The following PDGFRL variants were observed in gnomAD, a reference collection of about 807,000 sequenced individuals.
PDGFRL encodes platelet derived growth factor receptor like, also known as platelet-derived growth factor receptor-like protein.
Under a neutral mutation model 37.2 loss-of-function variants are expected in PDGFRL, and 46 were observed. The ratio of observed to expected loss-of-function variants is 1.24; its 90% CI spans 0.98 to 1.58. PDGFRL has a LOEUF of 1.58. PDGFRL is among the 40% of genes most tolerant of loss of function. The pLI is 0.00. For synonymous variants in PDGFRL, 251 were observed against 184.3 expected, an observed-to-expected ratio of 1.36 and a Z score of -2.93; for missense variants, 692 against 467.6, an observed-to-expected ratio of 1.48 and a Z score of -4.43.
intron 5 of PDGFRL, among the ~76,000 whole-genome samples, chr8:17,636,993 A>G (rs532966577): frequency 1.3e-5 from 2 of 152,306 alleles, no homozygotes; most frequent in South Asian, 4.1e-4. Flanking sequence ...AAATTCATCT[A>G]TCAGTTCTAG....
chr8:17,588,393 T>A (rs566449456), intron 1 of PDGFRL, among the ~76,000 whole-genome samples: 68 of 152,268 alleles, frequency 4.5e-4, no homozygotes, highest in Admixed American at 9.2e-4. Flanking sequence ...GTTCAAAATC[T>A]TGGCTGGGCA....
At chr8:17,616,344 A>G (rs1298314985) in intron 2 of PDGFRL, among the ~76,000 whole-genome samples, 4 of 151,992 alleles carry the variant, frequency 2.6e-5, no homozygotes, top group Non-Finnish European at 4.4e-5. Context: ...ACAGGCATGC[A>G]CCACCGCGCC....
At chr8:17,611,360 C>T (rs1457423863) in intron 2 of PDGFRL, among the ~76,000 whole-genome samples, 1 of 152,242 alleles carries the variant, frequency 6.6e-6, no homozygotes, top group Non-Finnish European at 1.5e-5. Flanking sequence ...TGTACACTGT[C>T]ACCTTTAACC....
chr8:17,577,230 CTCCGAGG>C lies in PDGFRL; in HGVS notation c.-14_-8del, dbSNP rs1563499661. 8 of 1,609,946 alleles carry C rather than the reference CTCCGAGG, an allele frequency of 5.0e-6. No homozygotes were observed. The highest frequency in any genetic ancestry group is 6.8e-6 in the Non-Finnish European group (8 of 1,178,398). ...CCCGCGCAGCCGCCGCGCTCCTGCG[CTCCGAGG>C]TCCGAGGTTCCCGAGATGAAGGTCT... is the stretch of plus-strand genomic sequence containing the variant. On this transcript the variant is annotated 5_prime_UTR_variant, in exon 1 of 6. Coordinates refer to ENST00000251630, the MANE Select transcript of PDGFRL (RefSeq NM_001372073.1).
chr8:17,601,476 C>G (rs1195168301), intron 2 of PDGFRL, among the ~76,000 whole-genome samples: 1 of 149,104 alleles, frequency 6.7e-6, no homozygotes, highest in African/African-American at 2.5e-5. Flanking sequence ...TTTCCTCTTT[C>G]TAACTTTTAG....
chr8:17,578,372 A>G (rs922101482), intron 1 of PDGFRL, among the ~76,000 whole-genome samples: 1 of 152,216 alleles, frequency 6.6e-6, no homozygotes, highest in South Asian at 2.1e-4. Context: ...AAAATACCGC[A>G]TTGTAGTTTG....
chr8:17,635,641 A>G (rs1804956914), intron 5 of PDGFRL, among the ~76,000 whole-genome samples: 1 of 152,212 alleles, frequency 6.6e-6, no homozygotes, highest in Admixed American at 6.5e-5. Flanking sequence ...GTAGATACCC[A>G]GTAATGGGAT....
chr8:17,614,849 G>A (rs961641423), intron 2 of PDGFRL, among the ~76,000 whole-genome samples: 13 of 152,150 alleles, frequency 8.5e-5, no homozygotes, highest in African/African-American at 3.1e-4. Context: ...GGCACCCTGG[G>A]AAAGTTGTTT....
Position 17,628,731 on chromosome 8 carries a change from C to G in PDGFRL, c.750C>G (p.Ala250=), listed in dbSNP as rs778562627. ...GTGTGGTTTACTGCAGGGCGGAGGCCGGGGGCAGATCTCAGATCTCCGTCA... is the reference window on the plus strand; with the variant it reads ...GTGTGGTTTACTGCAGGGCGGAGGCGGGGGGCAGATCTCAGATCTCCGTCA... The part of the protein sequence containing the change: ...HQGVVYCRAE[A]GGRSQISVKY... Residue 250 remains alanine (A), a synonymous_variant, in exon 4 of 6, where the codon GCC becomes GCG. Transcript: ENST00000251630. 3.1e-6 allele frequency: 5 copies of G among 1,613,992 alleles called. No individual in the cohort carries two copies. The highest frequency in any genetic ancestry group is 1.7e-5 in the Admixed American group (1 of 60,014).
At chr8:17,593,501 G>A (rs1803986468) in intron 2 of PDGFRL, among the ~76,000 whole-genome samples, 1 of 151,728 alleles carries the variant, frequency 6.6e-6, no homozygotes, top group African/African-American at 2.4e-5. Context: ...GGGAGGCTAA[G>A]AGGGTGGGAT....
intron 1 of PDGFRL, among the ~76,000 whole-genome samples, chr8:17,577,621 G>A (rs1803615249): frequency 6.6e-6 from 1 of 151,604 alleles, no homozygotes; most frequent in African/African-American, 2.4e-5. Flanking sequence ...AGCCCCCAGT[G>A]TCAACGTGTC....
At chr8:17,586,537 C>T (rs1274237140) in intron 1 of PDGFRL, among the ~76,000 whole-genome samples, 4 of 152,174 alleles carry the variant, frequency 2.6e-5, no homozygotes, top group Non-Finnish European at 5.9e-5. Context: ...TTTTTCACTA[C>T]CTTCTTGATG....
chr8:17,594,698 G>A (rs1364176748), intron 2 of PDGFRL, among the ~76,000 whole-genome samples: 2 of 152,166 alleles, frequency 1.3e-5, no homozygotes, highest in Admixed American at 6.5e-5. Flanking sequence ...GGGATTACAG[G>A]CACGTGCCAC....
intron 4 of PDGFRL, among the ~76,000 whole-genome samples, chr8:17,632,130 C>T (rs1804874354): frequency 6.6e-6 from 1 of 152,208 alleles, no homozygotes; most frequent in Admixed American, 6.5e-5. Context: ...ACGGGTCAGG[C>T]CTGCGGCTGG....
At chr8:17,586,286 G>T (rs557403181) in intron 1 of PDGFRL, among the ~76,000 whole-genome samples, 1 of 152,122 alleles carries the variant, frequency 6.6e-6, no homozygotes, top group African/African-American at 2.4e-5. Flanking sequence ...TCTCCTCACC[G>T]AGGGGATCCA....
At chr8:17,630,184 T>C (rs540581977) in intron 4 of PDGFRL, among the ~76,000 whole-genome samples, 2 of 150,548 alleles carry the variant, frequency 1.3e-5, no homozygotes, top group Non-Finnish European at 3.0e-5. Flanking sequence ...TTTTCCCCAA[T>C]GTGCACAGAA....
chr8:17,641,898 C>CCCGCCCCCCCCCCCCCCCCCCT (rs1339224750), intron 5 of PDGFRL, among the ~76,000 whole-genome samples: 3 of 129,946 alleles, frequency 2.3e-5, no homozygotes, highest in African/African-American at 9.7e-5. Flanking sequence ...AATAGAGGTC[C>CCCGCCCCCCCCCCCCCCCCCCT]CCGCCACATT....
intron 1 of PDGFRL, among the ~76,000 whole-genome samples, chr8:17,585,842 G>T (rs1290895131): frequency 6.6e-6 from 1 of 152,160 alleles, no homozygotes; most frequent in African/African-American, 2.4e-5. Context: ...AATAAGATTT[G>T]ATTGTGATTC....
At chr8:17,596,593 T>A (rs2150818013) in intron 2 of PDGFRL, among the ~76,000 whole-genome samples, 1 of 152,350 alleles carries the variant, frequency 6.6e-6, no homozygotes, top group East Asian at 1.9e-4. Flanking sequence ...TAAAATGCAT[T>A]TGAAAACATT....
Sources: allele counts gnomAD v4.1 joint callset (sites outside exome capture counted in the v4.1 genomes callset), GRCh38; gene constraint gnomAD v4.1.1; transcripts MANE v1.5; gene names NCBI Gene and HGNC (gene_info 2026-07-23, HGNC 2026-07-21).